Variants in CNTNAP5 observed in about 807,000 individuals in gnomAD.
CNTNAP5 encodes contactin-associated protein-like 5.
CNTNAP5 carries 72 observed loss-of-function variants against 150.2 expected under a neutral mutation model. That is an observed-to-expected ratio of 0.48 (90% CI 0.40 to 0.58). The LOEUF (loss-of-function observed/expected upper bound fraction) is 0.58, where lower values mean the gene tolerates loss of function less well. Ranked by LOEUF, CNTNAP5 falls within the 20% of genes least tolerant of loss-of-function variation. The pLI, the probability that CNTNAP5 is intolerant of heterozygous loss-of-function variation, is 0.00. For missense variants in CNTNAP5, 1,636 were observed against 1,626.2 expected (o/e 1.01, Z -0.10); for synonymous variants, 672 against 619.8 (o/e 1.08, Z -1.25).
At chr2:124,839,826 T>A (rs1034071455) in intron 19 of CNTNAP5, among the ~76,000 whole-genome samples, 1 of 152,138 alleles carries the variant, frequency 6.6e-6, no homozygotes. Flanking sequence ...CTGTCAATTG[T>A]GAAGGGCTTC....
chr2:124,608,786 A>G (rs2104982866), intron 11 of CNTNAP5, among the ~76,000 whole-genome samples: 1 of 152,112 alleles, frequency 6.6e-6, no homozygotes, highest in East Asian at 1.9e-4. Flanking sequence ...CTCTACTAAA[A>G]ATATAAAAAT....
chr2:124,666,144 A>G (rs546584306), intron 13 of CNTNAP5, among the ~76,000 whole-genome samples: 60 of 152,290 alleles, frequency 3.9e-4, no homozygotes, highest in African/African-American at 1.4e-3. Flanking sequence ...GGTTTTATAC[A>G]TTTTAGGGAG....
In CNTNAP5 at chr2:124,474,808, A is replaced by T. The variant is rs765483532; in HGVS notation, c.988A>T (p.Ile330Phe). 6.2e-7 allele frequency: 1 copy of T among 1,607,308 alleles called. No individual in the cohort carries two copies. Among genetic ancestry groups the T allele is most frequent in the Non-Finnish European group, 8.5e-7 (1 of 1,177,502 alleles). ...TFLKKNFHGC[I>F]ENLYYNGVNI... ...TTTAAAGAAAAACTTCCATGGATGC[A>T]TCGAAAACCTTTACTACAATGGAGT... Residue 330 changes from isoleucine (I) to phenylalanine (F), a missense_variant, in exon 7 of 24, where the codon ATC becomes TTC. Ile to Phe is a conservative substitution (Grantham distance 21). Transcript: ENST00000682447.
chr2:124,777,029 A>T (rs1681339206), intron 17 of CNTNAP5, among the ~76,000 whole-genome samples: 1 of 152,114 alleles, frequency 6.6e-6, no homozygotes, highest in Non-Finnish European at 1.5e-5. Context: ...GGTTGGTTTA[A>T]GAAGAGGGTA....
At chr2:124,340,597 C>T (rs1689585055) in intron 3 of CNTNAP5, among the ~76,000 whole-genome samples, 1 of 151,750 alleles carries the variant, frequency 6.6e-6, no homozygotes, top group African/African-American at 2.4e-5. Flanking sequence ...ATTATTCAAA[C>T]AAAGTCCCAG....
intron 3 of CNTNAP5, among the ~76,000 whole-genome samples, chr2:124,353,378 T>A (rs1209206645): frequency 6.6e-6 from 1 of 151,546 alleles, no homozygotes; most frequent in Non-Finnish European, 1.5e-5. Flanking sequence ...AACTGGAGAT[T>A]TTTTTTCTTT....
intron 16 of CNTNAP5, among the ~76,000 whole-genome samples, chr2:124,766,018 A>C (rs1044998361): frequency 1.3e-5 from 2 of 152,190 alleles, no homozygotes; most frequent in African/African-American, 4.8e-5. Context: ...CTATTGAAAC[A>C]GACCAACAAA....
At chr2:124,308,306 A>G (rs2104654038) in intron 3 of CNTNAP5, among the ~76,000 whole-genome samples, 1 of 152,286 alleles carries the variant, frequency 6.6e-6, no homozygotes, top group South Asian at 2.1e-4. Flanking sequence ...AACTCTGCTT[A>G]CAAACCGTTT....
chr2:124,278,978 T>C (rs1687950838), intron 3 of CNTNAP5, among the ~76,000 whole-genome samples: 1 of 152,162 alleles, frequency 6.6e-6, no homozygotes, highest in Non-Finnish European at 1.5e-5. Flanking sequence ...TTCTGTTCGA[T>C]ATTTACTGAA....
At chr2:124,278,701 C>T (rs902473877) in intron 3 of CNTNAP5, among the ~76,000 whole-genome samples, 5 of 152,160 alleles carry the variant, frequency 3.3e-5, no homozygotes, top group South Asian at 2.1e-4. Flanking sequence ...TAGCAAATAG[C>T]TTGAACTAAG....
At chr2:124,597,914 C>G (rs1394083281) in intron 11 of CNTNAP5, among the ~76,000 whole-genome samples, 1 of 135,922 alleles carries the variant, frequency 7.4e-6, no homozygotes, top group Non-Finnish European at 1.6e-5. Flanking sequence ...TTGCTGATAC[C>G]CTTTCTTCCA....
intron 1 of CNTNAP5, among the ~76,000 whole-genome samples, chr2:124,145,811 T>TTAAAAAAAAAAAAAAAAAAAAAAAAAAA (rs1684228632): frequency 7.8e-5 from 1 of 12,790 alleles, no homozygotes; most frequent in Non-Finnish European, 1.4e-4. Context: ...AAAAAAAACA[T>TTAAAAAAAAAAAAAAAAAAAAAAAAAAA]TAAAAAAAAA....
intron 21 of CNTNAP5, among the ~76,000 whole-genome samples, chr2:124,870,476 C>T (rs1280566211): frequency 1.4e-5 from 2 of 141,826 alleles, no homozygotes; most frequent in African/African-American, 3.0e-5. Context: ...ATTTTTTATA[C>T]TCAACTGTCC....
At chr2:124,878,275 TCAC>T (rs1173160660) in intron 21 of CNTNAP5, among the ~76,000 whole-genome samples, 2 of 152,116 alleles carry the variant, frequency 1.3e-5, no homozygotes, top group African/African-American at 4.8e-5. Context: ...AATTATGACT[TCAC>T]CACTGACTAA....
At chr2:124,860,051 A>G (rs1443262132) in intron 19 of CNTNAP5, among the ~76,000 whole-genome samples, 1 of 151,930 alleles carries the variant, frequency 6.6e-6, no homozygotes, top group African/African-American at 2.4e-5. Flanking sequence ...TAGAACTTAA[A>G]GTATAAAAAA....
At chr2:124,769,644 T>C (rs1178007875) in intron 16 of CNTNAP5, among the ~76,000 whole-genome samples, 2 of 152,214 alleles carry the variant, frequency 1.3e-5, no homozygotes, top group Non-Finnish European at 2.9e-5. Flanking sequence ...GGATGTATCA[T>C]TCATTCTCTC....
intron 12 of CNTNAP5, among the ~76,000 whole-genome samples, chr2:124,619,644 A>C (rs750107062): frequency 6.6e-6 from 1 of 151,804 alleles, no homozygotes; most frequent in Non-Finnish European, 1.5e-5. Flanking sequence ...GACCTCATCC[A>C]ATCAGTTGAA....
At chr2:124,808,931 C>A (rs72847372) in intron 19 of CNTNAP5, among the ~76,000 whole-genome samples, 16,254 of 151,890 alleles carry the variant, frequency 0.11, 1,164 homozygotes, top group Non-Finnish European at 0.16. Flanking sequence ...GCTATGGGAT[C>A]CCTAGCCTTA....
At chr2:124,344,530 G>C (rs1384211698) in intron 3 of CNTNAP5, among the ~76,000 whole-genome samples, 1 of 152,124 alleles carries the variant, frequency 6.6e-6, no homozygotes, top group Non-Finnish European at 1.5e-5. Flanking sequence ...AACACTGTGG[G>C]AGGCCGAGGC....
Sources: gnomAD v4.1 joint callset for allele counts (sites outside exome capture counted in the v4.1 genomes callset) on GRCh38, gnomAD v4.1.1 for gene constraint, MANE v1.5 for transcripts, NCBI Gene and HGNC (gene_info 2026-07-23, HGNC 2026-07-21) for gene names.